PPP1R16B: variants seen among roughly 807,000 people sequenced by gnomAD.
PPP1R16B encodes the protein protein phosphatase 1 regulatory subunit 16B.
A neutral mutation model predicts 61.7 loss-of-function variants in PPP1R16B; 14 were observed. The observed-to-expected ratio is 0.23, with a 90% CI of 0.15 to 0.35. The LOEUF is 0.35. PPP1R16B is among the 10% of genes least tolerant of loss of function. The pLI is 1.00. For synonymous variants in PPP1R16B, 266 were observed against 305.3 expected, an observed-to-expected ratio of 0.87 and a Z score of 1.34; for missense variants, 547 against 752.5, an observed-to-expected ratio of 0.73 and a Z score of 3.19.
rs11086731 is a variant in PPP1R16B at position 38,809,985 on chromosome 20, GAAAAAAA to G, written c.-102+4208_-102+4214del. ...GGGCAACAGAGTAAGACCTTGTTTCGAAAAAAAAAAAAAAAAAAAAACAAAACCAAAA... is the reference window on the plus strand; with the variant it reads ...GGGCAACAGAGTAAGACCTTGTTTCGAAAAAAAAAAAAAACAAAACCAAAA... On this transcript the variant is annotated intron_variant, in intron 1 of 10. Coordinates refer to ENST00000299824, the MANE Select transcript of PPP1R16B (RefSeq NM_015568.4). Among the ~76,000 whole-genome samples the G allele has an allele frequency of 5.6e-4, 45 of 80,146 alleles. 1 individual carries two copies. The highest frequency in any genetic ancestry group is 3.8e-3 in the South Asian group (7 of 1,822). 52.6% of individuals were successfully genotyped at this position (80,146 alleles called of 152,430 possible).
chr20:38,888,923 A>ACACACACACACC (rs2085269071), intron 2 of PPP1R16B, among the ~76,000 whole-genome samples: 1 of 142,676 alleles, frequency 7.0e-6, no homozygotes, highest in Non-Finnish European at 1.6e-5. Context: ...ACACACACAC[A>ACACACACACACC]CACACCCCTA....
chr20:38,908,458 C>G (rs911520590), intron 10 of PPP1R16B, among the ~76,000 whole-genome samples: 22 of 152,174 alleles, frequency 1.4e-4, no homozygotes, highest in African/African-American at 5.3e-4. Flanking sequence ...AGGTAGGTCT[C>G]CTAATTGACA....
intron 2 of PPP1R16B, among the ~76,000 whole-genome samples, chr20:38,866,128 G>GAA (rs200013890): frequency 2.0e-5 from 3 of 148,696 alleles, no homozygotes; most frequent in Non-Finnish European, 4.5e-5. Flanking sequence ...TTGTCTCGGA[G>GAA]AAAAAAAAAA....
intron 10 of PPP1R16B, among the ~76,000 whole-genome samples, chr20:38,912,799 A>G (rs1400056117): frequency 6.6e-6 from 1 of 152,182 alleles, no homozygotes; most frequent in African/African-American, 2.4e-5. Context: ...CTGACCCCCA[A>G]ATCACATTTC....
At chr20:38,855,941 TATAGAGAG>T (rs1386742138) in intron 2 of PPP1R16B, among the ~76,000 whole-genome samples, 5 of 25,372 alleles carry the variant, frequency 2.0e-4, no homozygotes, top group African/African-American at 7.5e-4. Context: ...TATATATATA[TATAGAGAG>T]AGAGAGAGAG....
At chr20:38,822,114 C>A (rs1481521977) in intron 1 of PPP1R16B, among the ~76,000 whole-genome samples, 2 of 151,166 alleles carry the variant, frequency 1.3e-5, no homozygotes, top group Non-Finnish European at 2.9e-5. Flanking sequence ...CTCAGTCTTT[C>A]TTGGGTGGAC....
At chr20:38,896,229 C>T (rs911065129) in intron 4 of PPP1R16B, among the ~76,000 whole-genome samples, 6 of 139,378 alleles carry the variant, frequency 4.3e-5, no homozygotes, top group African/African-American at 1.6e-4. Context: ...CTTTCTTTTC[C>T]CTACCTGCCT....
chr20:38,912,648 C>G (rs1321188374), intron 10 of PPP1R16B, among the ~76,000 whole-genome samples: 3 of 151,660 alleles, frequency 2.0e-5, no homozygotes, highest in Admixed American at 6.6e-5. Flanking sequence ...GAACTCCAGC[C>G]TGGGTGACAG....
At chr20:38,910,529 G>GTTTTTTTT (rs201312664) in intron 10 of PPP1R16B, among the ~76,000 whole-genome samples, 1 of 145,414 alleles carries the variant, frequency 6.9e-6, no homozygotes, top group Non-Finnish European at 1.5e-5. Context: ...TATAGCAGTA[G>GTTTTTTTT]TTTTTTTTTG....
At position 38,877,969 on chromosome 20, in the gene PPP1R16B, T is replaced by G. The variant is rs1018899906; in HGVS notation, c.251-11626T>G. Among the ~76,000 whole-genome samples the G allele has an allele frequency of 3.4e-4, 50 of 149,178 alleles. 1 individual carries two copies. Among genetic ancestry groups the G allele is most frequent in the Admixed American group, 8.0e-4 (12 of 14,942 alleles). On this transcript the variant is annotated intron_variant, in intron 2 of 10. Coordinates refer to ENST00000299824, the MANE Select transcript of PPP1R16B (RefSeq NM_015568.4). Reference sequence around the variant, plus strand: ...ACACAGTTGTTTTTTTTTTTTTTTTTTTTTTTTTTTGGCAACCAAATCATT... The same window carrying G: ...ACACAGTTGTTTTTTTTTTTTTTTTGTTTTTTTTTTGGCAACCAAATCATT...
At chr20:38,851,230 C>G (rs2093524609) in intron 2 of PPP1R16B, among the ~76,000 whole-genome samples, 1 of 151,350 alleles carries the variant, frequency 6.6e-6, no homozygotes, top group Non-Finnish European at 1.5e-5. Flanking sequence ...TTTGGGAGGC[C>G]AAGGTGGGTG....
chr20:38,859,403 T>C (rs2085031829), intron 2 of PPP1R16B, among the ~76,000 whole-genome samples: 1 of 152,144 alleles, frequency 6.6e-6, no homozygotes, highest in African/African-American at 2.4e-5. Context: ...TTCAACACAA[T>C]GACCCCATGC....
At chr20:38,867,850 T>G (rs1160785914) in intron 2 of PPP1R16B, among the ~76,000 whole-genome samples, 6 of 152,138 alleles carry the variant, frequency 3.9e-5, no homozygotes, top group African/African-American at 1.4e-4. Flanking sequence ...TTTTTGTATT[T>G]TTAGTAGAGA....
chr20:38,917,295 C>CAA (rs59603946), intron 10 of PPP1R16B, among the ~76,000 whole-genome samples: 32 of 92,768 alleles, frequency 3.4e-4, no homozygotes, highest in African/African-American at 9.2e-4. Context: ...GACTCCGTCT[C>CAA]AAAAAAAAAA....
rs759186954 is a variant in PPP1R16B, at chr20:38,906,105, C to T, written c.822+11C>T. 3 of 1,610,994 alleles carry T rather than the reference C, an allele frequency of 1.9e-6. No homozygotes were observed. Among genetic ancestry groups the T allele is most frequent in the African/African-American group, 1.3e-5 (1 of 74,984 alleles). ...GCCTTCTGGGGACAGGTAGTTCTCA[C>T]CCACAGGGCTGTGGGGGAGGCCGGC... is the stretch of plus-strand genomic sequence containing the variant. On this transcript the variant is annotated intron_variant, in intron 7 of 10. Transcript: ENST00000299824.
rs188689762 is a variant in PPP1R16B, at chr20:38,866,021, G to C, written c.251-23574G>C. 4.9e-3 allele frequency among the ~76,000 whole-genome samples: 753 copies of C among 152,162 alleles called. 9 individuals are homozygous for C. Among genetic ancestry groups the C allele is most frequent in the African/African-American group, 0.017 (720 of 41,500 alleles). On this transcript the variant is annotated intron_variant, in intron 2 of 10. Transcript: ENST00000299824. ...TGCCAGTAATCCCAGCTACTCAGGA[G>C]GCTGGGGCAGGAGAATTGCTTGAAC... is the stretch of plus-strand genomic sequence containing the variant.
Position 38,905,992 on chromosome 20 carries a change from A to T in PPP1R16B, c.720A>T (p.Gly240=). ...AGCTGCACATAGCTGGAGCCAATGG[A>T]TACCTGCGGGCAGCTGAGCTCCTCC... ...ATLLHIAGAN[G]YLRAAELLLD... The change falls in exon 7 of 11, where the codon GGA becomes GGT. Residue 240 remains glycine (G), a synonymous_variant. Coordinates refer to ENST00000299824, the MANE Select transcript of PPP1R16B (RefSeq NM_015568.4). 6.2e-7 allele frequency: 1 copy of T among 1,613,486 alleles called. No individual in the cohort carries two copies. The highest frequency in any genetic ancestry group is 8.5e-7 in the Non-Finnish European group (1 of 1,179,818).
At chr20:38,913,629 C>T (rs1004936217) in intron 10 of PPP1R16B, among the ~76,000 whole-genome samples, 2 of 152,070 alleles carry the variant, frequency 1.3e-5, no homozygotes, top group Non-Finnish European at 1.5e-5. Context: ...TAGAATGCAT[C>T]GACCACAGAA....
intron 1 of PPP1R16B, 72 bp from the exon 2 acceptor site, chr20:38,835,753 G>A (rs1195575535): frequency 5.1e-6 from 4 of 787,420 alleles, no homozygotes; most frequent in South Asian, 2.1e-5. Flanking sequence ...AACACGGGGC[G>A]TTGGGGGACG....
Sources: allele counts gnomAD v4.1 joint callset (sites outside exome capture counted in the v4.1 genomes callset), GRCh38; gene constraint gnomAD v4.1.1; transcripts MANE v1.5; gene names NCBI Gene and HGNC (gene_info 2026-07-23, HGNC 2026-07-21).